Variants in ARHGAP21 observed in about 807,000 individuals in gnomAD.
ARHGAP21 encodes Rho GTPase activating protein 21, also known as rho GTPase-activating protein 21.
In ARHGAP21, 38 loss-of-function variants were observed where a neutral mutation model predicts 164.6. That is an observed-to-expected ratio of 0.23 (90% CI 0.18 to 0.30). The LOEUF (loss-of-function observed/expected upper bound fraction) is 0.30, where lower values mean the gene tolerates loss of function less well. Ranked by LOEUF, ARHGAP21 falls within the 10% of genes least tolerant of loss-of-function variation. The pLI is 1.00. For synonymous variants in ARHGAP21, 766 were observed against 857.9 expected (o/e 0.89, Z 1.87); for missense variants, 1,822 against 2,370.7 (o/e 0.77, Z 4.81).
chr10:24,619,727 G>T lies in ARHGAP21; in HGVS notation c.2168C>A (p.Thr723Asn). ...ATTATCTAAAGTATCTGATTGCTCA[G>T]TTTCAGCCTCTTGTAAACTTAAATC... ...NQDLSLQEAE[T>N]EQSDTLDNKE... The change falls in exon 9 of 26, where the codon ACT becomes AAT. Residue 723 changes from threonine (T) to asparagine (N), a missense_variant. Transcript: ENST00000396432. 21 of 1,614,128 alleles carry T rather than the reference G, an allele frequency of 1.3e-5. No homozygotes were observed. Among genetic ancestry groups the T allele is most frequent in the Non-Finnish European group, 1.8e-5 (21 of 1,180,020 alleles).
chr10:24,607,976 A>T, intron 9 of ARHGAP21, 73 bp from the exon 10 acceptor site: 1 of 1,400,230 alleles, frequency 7.1e-7, no homozygotes, highest in Non-Finnish European at 9.6e-7. Context: ...GTCAATAATC[A>T]TTATTAAGGG....
At position 24,722,085 on chromosome 10, in the gene ARHGAP21, A is replaced by G; in HGVS notation, c.-186T>C. 1.6e-6 allele frequency: 1 copy of G among 633,454 alleles called. No individual in the cohort carries two copies. Among genetic ancestry groups the G allele is most frequent in the Non-Finnish European group, 2.9e-6 (1 of 349,860 alleles). 39.2% of individuals were successfully genotyped at this position (633,454 alleles called of 1,614,324 possible). A position where few individuals can be genotyped will look rare whatever the true frequency, so the allele number is the denominator to read the frequency against. ...GGAAGCGCCTTCAAATGCCTCGCTGATTTCTCGTGACTTCAACTGACTTCG... is the reference window on the plus strand; with the variant it reads ...GGAAGCGCCTTCAAATGCCTCGCTGGTTTCTCGTGACTTCAACTGACTTCG... On this transcript the variant is annotated 5_prime_UTR_variant, in exon 2 of 26. Coordinates refer to ENST00000396432, the MANE Select transcript of ARHGAP21 (RefSeq NM_020824.4).
At chr10:24,723,443 C>T (rs1026963878) in intron 1 of ARHGAP21, 119 bp downstream of exon 1, 42 of 147,096 alleles carry the variant, frequency 2.9e-4, no homozygotes, top group African/African-American at 9.8e-4. Context: ...GGCCCCGAGC[C>T]AGCGCCCGGC....
At chr10:24,627,178 C>T (rs1835220529) in intron 7 of ARHGAP21, among the ~76,000 whole-genome samples, 2 of 152,152 alleles carry the variant, frequency 1.3e-5, no homozygotes, top group African/African-American at 4.8e-5. Flanking sequence ...AATCCTGTTG[C>T]CCAGGCAAAC....
intron 2 of ARHGAP21, among the ~76,000 whole-genome samples, chr10:24,706,154 T>C (rs1296131046): frequency 6.6e-6 from 1 of 152,236 alleles, no homozygotes; most frequent in Non-Finnish European, 1.5e-5. Flanking sequence ...GCCTACTTTC[T>C]AATAAATACA....
chr10:24,675,512 C>A (rs1316020585), intron 2 of ARHGAP21, among the ~76,000 whole-genome samples: 1 of 152,170 alleles, frequency 6.6e-6, no homozygotes, highest in Non-Finnish European at 1.5e-5. Context: ...TTCACTGGTG[C>A]ATACTTGCGT....
intron 2 of ARHGAP21, among the ~76,000 whole-genome samples, chr10:24,713,514 T>A (rs979578427): frequency 6.6e-6 from 1 of 152,162 alleles, no homozygotes; most frequent in East Asian, 1.9e-4. Flanking sequence ...GTCAGAAATA[T>A]CAAATTTGGG....
chr10:24,629,960 T>C (rs758904087), intron 7 of ARHGAP21, 36 bp downstream of exon 7: 6 of 1,417,034 alleles, frequency 4.2e-6, no homozygotes, highest in African/African-American at 1.4e-5. Flanking sequence ...CATTCATGAC[T>C]GTAAAACAAC....
intron 2 of ARHGAP21, among the ~76,000 whole-genome samples, chr10:24,692,365 A>C (rs1230885850): frequency 6.6e-5 from 10 of 152,346 alleles, no homozygotes; most frequent in Non-Finnish European, 1.0e-4. Flanking sequence ...CGGGGGGAAA[A>C]ACTGGTACAA....
intron 2 of ARHGAP21, among the ~76,000 whole-genome samples, chr10:24,692,324 C>T (rs1201106858): frequency 6.6e-6 from 1 of 151,944 alleles, no homozygotes; most frequent in African/African-American, 2.4e-5. Flanking sequence ...GGCATGGAGT[C>T]GATGAAAACA....
intron 17 of ARHGAP21, 174 bp downstream of exon 17, chr10:24,596,566 A>ATACAT (rs756016366): frequency 2.2e-5 from 17 of 783,508 alleles, no homozygotes; most frequent in Non-Finnish European, 2.8e-5. Context: ...TTCGGAGTCA[A>ATACAT]TACATTAGAA....
rs957147677 is a variant in ARHGAP21 at position 24,600,851 on chromosome 10, T to C, written c.2927A>G (p.Lys976Arg). 6 of 1,614,214 alleles carry C rather than the reference T, an allele frequency of 3.7e-6. 1 individual carries two copies. The African/African-American group carries it at 4.0e-5, about 11-fold the overall frequency. Residue 976 changes from lysine to arginine, a missense_variant, in exon 14 of 26, where the codon AAA (lysine) becomes AGA (arginine). By Grantham distance (26) the Lys-to-Arg change is conservative (BLOSUM62 2). Transcript: ENST00000396432. ...CTCAGACGGAGTCGTCTGCTCTCTTTTATCTTTGTACAGGTAAAGTGAATG... is the reference window on the plus strand; with the variant it reads ...CTCAGACGGAGTCGTCTGCTCTCTTCTATCTTTGTACAGGTAAAGTGAATG... ...RGHSLYLYKD[K>R]REQTTPSEEE...
chr10:24,635,111 A>C lies in ARHGAP21; in HGVS notation c.269-8T>G. ...AGCGGTTTCTTTGTTTTCCTGTTAC[A>C]GAGAAGCCCAAAGCATGATTTTACT... On this transcript the variant is annotated splice_region_variant and splice_polypyrimidine_tract_variant and intron_variant, in intron 4 of 25. Coordinates refer to ENST00000396432, the MANE Select transcript of ARHGAP21 (RefSeq NM_020824.4). The C allele has an allele frequency of 6.4e-7, 1 of 1,565,248 alleles. No homozygotes were observed. Among genetic ancestry groups the C allele is most frequent in the Non-Finnish European group, 8.7e-7 (1 of 1,153,190 alleles).
chr10:24,668,541 C>G (rs1360179246), intron 3 of ARHGAP21, among the ~76,000 whole-genome samples: 4 of 152,298 alleles, frequency 2.6e-5, no homozygotes, highest in Admixed American at 1.3e-4. Flanking sequence ...CTCCAGCCAC[C>G]CTCAACTCTG....
At chr10:24,663,315 A>C (rs371342163) in intron 4 of ARHGAP21, among the ~76,000 whole-genome samples, 1 of 152,240 alleles carries the variant, frequency 6.6e-6, no homozygotes, top group African/African-American at 2.4e-5. Context: ...AACTCAATTC[A>C]GATCTCAAGT....
chr10:24,636,497 T>A (rs1836397844), intron 4 of ARHGAP21, among the ~76,000 whole-genome samples: 2 of 152,212 alleles, frequency 1.3e-5, no homozygotes, highest in South Asian at 4.1e-4. Flanking sequence ...AAATAAGGCA[T>A]ATACATGTGT....
rs748407907 is a variant in ARHGAP21, at chr10:24,620,075, A to G, written c.1820T>C (p.Leu607Pro). ...RNFQTTCGMS[L>P]PRGISQDRSP... ...CCTGTCTTGTGAAATACCCCGAGGC[A>G]GTGACATTCCACAAGTAGTCTGAAA... Residue 607 changes from leucine to proline, a missense_variant, in exon 9 of 26, where the codon CTG becomes CCG. Leu to Pro is a moderately conservative substitution (Grantham distance 98). This residue lies in a region of ARHGAP21 where 1,090 missense variants were observed against 1,378.9 expected (regional missense o/e 0.79). Transcript: ENST00000396432. 8 of 1,613,984 alleles carry G rather than the reference A, an allele frequency of 5.0e-6. No homozygotes were observed. The Admixed American group carries it at 8.3e-5, about 17-fold the overall frequency.
intron 2 of ARHGAP21, among the ~76,000 whole-genome samples, chr10:24,691,235 C>T (rs192030875): frequency 2.0e-4 from 30 of 152,224 alleles, no homozygotes; most frequent in Admixed American, 8.5e-4. Flanking sequence ...TAACTTTAGG[C>T]GGAAACATCA....
At chr10:24,621,786 T>C (rs1834565326) in intron 8 of ARHGAP21, among the ~76,000 whole-genome samples, 1 of 152,130 alleles carries the variant, frequency 6.6e-6, no homozygotes, top group Non-Finnish European at 1.5e-5. Flanking sequence ...ATATTAAAAA[T>C]CTTAAATGCA....
Sources: allele counts gnomAD v4.1 joint callset (sites outside exome capture counted in the v4.1 genomes callset), GRCh38; gene constraint gnomAD v4.1.1; regional missense constraint gnomAD v4.1.1; transcripts MANE v1.5; gene names NCBI Gene and HGNC (gene_info 2026-07-23, HGNC 2026-07-21).